Variants in NTAN1 observed in about 807,000 individuals in gnomAD.
The protein encoded by NTAN1 is protein N-terminal asparagine amidohydrolase.
Under a neutral mutation model 41.9 loss-of-function variants are expected in NTAN1, and 32 were observed. The observed-to-expected ratio is 0.76, with a 90% confidence interval of 0.58 to 1.03. NTAN1 has a LOEUF of 1.03. NTAN1 is among the 50% of genes least tolerant of loss of function. NTAN1 has a pLI of 0.00. For synonymous variants in NTAN1, 140 were observed against 139.5 expected (o/e 1.00, Z -0.03); for missense variants, 377 against 377.5 (o/e 1.00, Z 0.01).
chr16:15,050,180 AAAAAATTCAGTGGTT>A (rs1240148405), intron 1 of NTAN1, among the ~76,000 whole-genome samples: 1 of 152,232 alleles, frequency 6.6e-6, no homozygotes, highest in African/African-American at 2.4e-5. Context: ...AAGCTTGTAA[AAAAAATTCAGTGGTT>A]AAAAATTCAG....
Position 15,044,424 on chromosome 16 carries a change from A to C in NTAN1, c.360-17T>G. 1 of 1,595,186 alleles carries C rather than the reference A, an allele frequency of 6.3e-7. No homozygotes were observed. Among genetic ancestry groups the C allele is most frequent in the Non-Finnish European group, 8.6e-7 (1 of 1,162,760 alleles). On this transcript the variant is annotated splice_polypyrimidine_tract_variant and intron_variant, in intron 4 of 9. Transcript: ENST00000287706. ...ACTTCCAGCCTGGCAAAGAGATGAG[A>C]CGGGTCAGAGGCCAGAAGAAGACAC...
chr16:15,045,772 CCT>C (rs1178974491), intron 4 of NTAN1: 1 of 152,248 alleles, frequency 6.6e-6, no homozygotes, highest in Non-Finnish European at 1.5e-5. Flanking sequence ...CTACTAACCC[CCT>C]TTTCCACAGC....
At chr16:15,044,647 T>G in intron 4 of NTAN1, 1 of 559,860 alleles carries the variant, frequency 1.8e-6, no homozygotes. Context: ...AACACAAATG[T>G]GATGCCGCCT....
chr16:15,054,400 AT>A (rs906120205), intron 1 of NTAN1, among the ~76,000 whole-genome samples: 20 of 152,294 alleles, frequency 1.3e-4, no homozygotes, highest in African/African-American at 4.8e-4. Context: ...CGGGACACCC[AT>A]CTAACTTTCT....
intron 4 of NTAN1, chr16:15,047,189 G>T: frequency 1.9e-6 from 1 of 516,128 alleles, no homozygotes; most frequent in African/African-American, 1.9e-5. Context: ...CGACGTTCCT[G>T]AGACGACATC....
intron 4 of NTAN1, chr16:15,045,902 C>T (rs1020508955): frequency 6.6e-6 from 1 of 152,218 alleles, no homozygotes; most frequent in African/African-American, 2.4e-5. Context: ...ACATAGGGCA[C>T]AGCCTCAAGG....
At chr16:15,047,277 C>G in intron 4 of NTAN1, 165 bp downstream of exon 4, 1 of 612,236 alleles carries the variant, frequency 1.6e-6, no homozygotes, top group Non-Finnish European at 2.9e-6. Context: ...ATTCACTCAA[C>G]CACTGCTGAC....
intron 8 of NTAN1, 35 bp from the exon 9 acceptor site, chr16:15,038,722 A>T (rs771616157): frequency 1.7e-6 from 2 of 1,196,760 alleles, no homozygotes; most frequent in Non-Finnish European, 2.5e-6. Context: ...GAATTTCAGG[A>T]ATGTCACCCA....
At chr16:15,038,478 G>A in intron 9 of NTAN1, 96 bp downstream of exon 9, 1 of 728,056 alleles carries the variant, frequency 1.4e-6, no homozygotes, top group South Asian at 1.8e-5. Flanking sequence ...CCGCCAAAGG[G>A]AAAGCAGCTA....
rs571558915 is a variant in NTAN1 at position 15,047,669 on chromosome 16, G to A, written c.251-119C>T. On this transcript the variant is annotated intron_variant, in intron 3 of 9. Coordinates refer to ENST00000287706, the MANE Select transcript of NTAN1 (RefSeq NM_173474.4). ...TTTGAATATCCTGTAGGGGAAAAAC[G>A]GACAGGTCTGTGCTCCCCAGCCAAC... 1.5e-4 allele frequency: 136 copies of A among 929,946 alleles called. No individual in the cohort carries two copies. In the East Asian group the frequency reaches 2.6e-3, roughly 18 times the overall value. The allele number at this position is 929,946 out of a possible 1,614,324, so 57.6% of individuals were successfully genotyped here.
intron 5 of NTAN1, 75 bp from the exon 6 acceptor site, chr16:15,041,751 C>G (rs2043824807): frequency 9.3e-7 from 1 of 1,079,124 alleles, no homozygotes; most frequent in South Asian, 1.2e-5. Flanking sequence ...AGCAAGCCAA[C>G]GACAGGGAGG....
chr16:15,039,041 T>G (rs2043683509), intron 8 of NTAN1, among the ~76,000 whole-genome samples: 1 of 152,208 alleles, frequency 6.6e-6, no homozygotes, highest in Admixed American at 6.5e-5. Flanking sequence ...GACTAAAGTC[T>G]GTGTTCCCAT....
rs199809055 is a variant in NTAN1 at position 15,047,880 on chromosome 16, A to G, written c.225T>C (p.Cys75=). 6.2e-7 allele frequency: 1 copy of G among 1,613,660 alleles called. No individual in the cohort carries two copies. The highest frequency in any genetic ancestry group is 8.5e-7 in the Non-Finnish European group (1 of 1,179,532). The part of the protein sequence containing the change: ...SILGSDDATT[C]HIVVLRHTGN... ...CTGTGTGCCTCAGGACCACAATGTG[A>G]CAAGTAGTGGCATCATCAGAACCCA... Residue 75 remains cysteine (C), a synonymous_variant, in exon 3 of 10, where the codon TGT becomes TGC. Transcript: ENST00000287706.
chr16:15,045,756 A>G (rs1354700569), intron 4 of NTAN1: 1 of 152,236 alleles, frequency 6.6e-6, no homozygotes, highest in Admixed American at 6.5e-5. Flanking sequence ...TGTTTCCCAC[A>G]CTCATCTACT....
intron 8 of NTAN1, among the ~76,000 whole-genome samples, chr16:15,039,070 C>CCAAA (rs1446116157): frequency 6.6e-6 from 1 of 152,184 alleles, no homozygotes; most frequent in African/African-American, 2.4e-5. Context: ...TATTTATACC[C>CCAAA]CAAACAACTG....
chr16:15,039,786 A>G (rs1174137925), intron 8 of NTAN1, among the ~76,000 whole-genome samples, 183 bp downstream of exon 8: 1 of 152,126 alleles, frequency 6.6e-6, no homozygotes, highest in Non-Finnish European at 1.5e-5. Flanking sequence ...TGACCTAAAG[A>G]TGTTCATTAC....
At chr16:15,040,191 A>G (rs2151687739) in intron 7 of NTAN1, 125 bp from the exon 8 acceptor site, 1 of 504,488 alleles carries the variant, frequency 2.0e-6, no homozygotes, top group Non-Finnish European at 3.5e-6. Flanking sequence ...GCTCCTAAGT[A>G]TCTGGACTTC....
chr16:15,052,566 G>T (rs1158231551), intron 1 of NTAN1, among the ~76,000 whole-genome samples: 3 of 152,210 alleles, frequency 2.0e-5, no homozygotes, highest in African/African-American at 7.2e-5. Flanking sequence ...CCAACACACT[G>T]GCTCACGCCT....
chr16:15,047,168 A>T, intron 4 of NTAN1: 1 of 478,344 alleles, frequency 2.1e-6, no homozygotes, highest in Non-Finnish European at 3.8e-6. Context: ...ACGATGTGAA[A>T]ATCGCAACCT....
Sources: allele counts gnomAD v4.1 joint callset (sites outside exome capture counted in the v4.1 genomes callset), GRCh38; gene constraint gnomAD v4.1.1; transcripts MANE v1.5; gene names NCBI Gene and HGNC (gene_info 2026-07-23, HGNC 2026-07-21).